SORCS3: variants seen among roughly 807,000 people sequenced by gnomAD.
SORCS3 encodes the protein VPS10 domain-containing receptor SorCS3.
SORCS3 carries 57 observed loss-of-function variants against 146.3 expected under a neutral mutation model. The observed-to-expected ratio is 0.39, with a 90% CI of 0.31 to 0.49. The LOEUF is 0.49. Among genes scored for constraint, SORCS3 ranks in the 20% least tolerant of loss-of-function variants. SORCS3 has a pLI of 0.92. For synonymous variants in SORCS3, 653 were observed against 618.5 expected (o/e 1.06, Z -0.83); for missense variants, 1,341 against 1,575.5 (o/e 0.85, Z 2.52).
At chr10:105,095,967 C>T (rs572997144) in intron 6 of SORCS3, among the ~76,000 whole-genome samples, 40 of 152,214 alleles carry the variant, frequency 2.6e-4, no homozygotes, top group South Asian at 1.0e-3. Context: ...CTGGCATCTA[C>T]GCAAATATTA....
chr10:105,088,386 C>CAT (rs1354847537), intron 5 of SORCS3, among the ~76,000 whole-genome samples: 3 of 152,166 alleles, frequency 2.0e-5, no homozygotes, highest in Non-Finnish European at 4.4e-5. Flanking sequence ...TTTATTCAGC[C>CAT]TCTTTGGGGA....
At chr10:105,143,344 C>A (rs539137695) in intron 8 of SORCS3, among the ~76,000 whole-genome samples, 1 of 152,024 alleles carries the variant, frequency 6.6e-6, no homozygotes, top group East Asian at 1.9e-4. Context: ...TCCTAGGTGA[C>A]TTCATCCTTC....
In SORCS3 at chr10:105,089,764, T is replaced by G; in HGVS notation, c.1029-11T>G. On this transcript the variant is annotated splice_polypyrimidine_tract_variant and intron_variant, in intron 5 of 26. Coordinates refer to ENST00000369701, the MANE Select transcript of SORCS3 (RefSeq NM_014978.3). ...TGTCACTGAGCTTCTGTCTCTCCCT[T>G]CCTTTCCCAGGTCGGTGGCCGGATT... 6.8e-6 allele frequency: 11 copies of G among 1,613,570 alleles called. No homozygotes were observed. Among genetic ancestry groups the G allele is most frequent in the Non-Finnish European group, 9.3e-6 (11 of 1,179,646 alleles).
intron 10 of SORCS3, among the ~76,000 whole-genome samples, chr10:105,157,671 G>A (rs967177522): frequency 6.6e-6 from 1 of 152,156 alleles, no homozygotes; most frequent in Non-Finnish European, 1.5e-5. Flanking sequence ...AAGTTGCTTT[G>A]AGAATCCAGG....
intron 4 of SORCS3, among the ~76,000 whole-genome samples, chr10:104,991,040 A>G (rs1184695517): frequency 1.3e-5 from 2 of 152,172 alleles, no homozygotes; most frequent in Non-Finnish European, 2.9e-5. Flanking sequence ...AGCAAGCAAA[A>G]TCAACTGCTT....
At chr10:105,226,649 A>G (rs142256447) in intron 20 of SORCS3, among the ~76,000 whole-genome samples, 1,600 of 152,074 alleles carry the variant, frequency 0.011, 31 homozygotes, top group African/African-American at 0.037. Context: ...TCATCTTTGA[A>G]AGTTTGATAG....
chr10:104,966,823 A>G (rs1281469937), intron 3 of SORCS3, among the ~76,000 whole-genome samples: 1 of 152,206 alleles, frequency 6.6e-6, no homozygotes, highest in Non-Finnish European at 1.5e-5. Flanking sequence ...TTTTGAGAGT[A>G]TAAGCTGACT....
intron 19 of SORCS3, among the ~76,000 whole-genome samples, chr10:105,221,905 GAGAA>G (rs2056704751): frequency 6.6e-6 from 1 of 151,900 alleles, no homozygotes; most frequent in Non-Finnish European, 1.5e-5. Flanking sequence ...GATTAAAGAA[GAGAA>G]AGAAGGAGGG....
chr10:104,681,369 C>G (rs2015972872), intron 1 of SORCS3, among the ~76,000 whole-genome samples: 1 of 152,122 alleles, frequency 6.6e-6, no homozygotes, highest in Admixed American at 6.5e-5. Context: ...GGCTGCTGAG[C>G]GAACCCAGGC....
intron 21 of SORCS3, 38 bp from the exon 22 acceptor site, chr10:105,247,181 C>A: frequency 8.1e-7 from 1 of 1,234,586 alleles, no homozygotes; most frequent in Non-Finnish European, 1.2e-6. Context: ...TCTCTTCTCA[C>A]TCTCCCAGCC....
chr10:104,841,190 T>C (rs1385885698), intron 1 of SORCS3, among the ~76,000 whole-genome samples: 1 of 152,140 alleles, frequency 6.6e-6, no homozygotes, highest in Non-Finnish European at 1.5e-5. Context: ...ATGAGGAAAC[T>C]AGTTATGAAT....
intron 1 of SORCS3, among the ~76,000 whole-genome samples, chr10:104,796,667 A>G (rs762436266): frequency 1.3e-5 from 2 of 152,250 alleles, no homozygotes; most frequent in African/African-American, 2.4e-5. Flanking sequence ...TTAAATAAGT[A>G]CATCAAATTT....
At chr10:104,977,288 A>T (rs761687126) in intron 3 of SORCS3, 47 bp from the exon 4 acceptor site, 14 of 1,431,646 alleles carry the variant, frequency 9.8e-6, no homozygotes, top group African/African-American at 7.2e-5. Flanking sequence ...TATATTTATT[A>T]TTTCCTACTA....
chr10:104,921,111 C>G (rs919229394), intron 3 of SORCS3, among the ~76,000 whole-genome samples: 1 of 152,196 alleles, frequency 6.6e-6, no homozygotes, highest in African/African-American at 2.4e-5. Flanking sequence ...CTAGTAAGCT[C>G]TAGCTCACAG....
At chr10:105,051,746 T>A (rs1430300829) in intron 5 of SORCS3, among the ~76,000 whole-genome samples, 1 of 152,188 alleles carries the variant, frequency 6.6e-6, no homozygotes, top group Non-Finnish European at 1.5e-5. Context: ...CAACCTGATA[T>A]AAGGGATCAG....
chr10:104,760,492 C>A (rs778959060), intron 1 of SORCS3, among the ~76,000 whole-genome samples: 10 of 152,130 alleles, frequency 6.6e-5, no homozygotes, highest in Non-Finnish European at 1.2e-4. Context: ...TTTATGTACT[C>A]CAAGTTGAAC....
chr10:104,934,877 T>C (rs568039369), intron 3 of SORCS3, among the ~76,000 whole-genome samples: 1 of 152,222 alleles, frequency 6.6e-6, no homozygotes, highest in South Asian at 2.1e-4. Context: ...TTTTTTGCAC[T>C]GCTTTCCTTT....
chr10:105,069,256 A>G (rs1439805059), intron 5 of SORCS3, among the ~76,000 whole-genome samples: 1 of 152,232 alleles, frequency 6.6e-6, no homozygotes. Flanking sequence ...CAATGAAGGC[A>G]GGGAATGCAA....
At chr10:104,648,571 A>G (rs2015523255) in intron 1 of SORCS3, among the ~76,000 whole-genome samples, 1 of 152,210 alleles carries the variant, frequency 6.6e-6, no homozygotes, top group African/African-American at 2.4e-5. Flanking sequence ...GTGGCTGCAG[A>G]CAATGAATAA....
Sources: allele counts gnomAD v4.1 joint callset (sites outside exome capture counted in the v4.1 genomes callset), GRCh38; gene constraint gnomAD v4.1.1; transcripts MANE v1.5; gene names NCBI Gene and HGNC (gene_info 2026-07-23, HGNC 2026-07-21).